PCDHA1: variants seen among roughly 807,000 people sequenced by gnomAD.
PCDHA1 encodes the protein protocadherin alpha 1.
In PCDHA1, 42 loss-of-function variants were observed where a neutral mutation model predicts 61.3. The observed-to-expected ratio is 0.69, with a 90% confidence interval of 0.54 to 0.89. PCDHA1 has a LOEUF of 0.89. Among genes scored for constraint, PCDHA1 ranks in the 40% least tolerant of loss-of-function variants. The pLI is 0.00. For missense variants in PCDHA1, 1,256 were observed against 1,235.3 expected (o/e 1.02, Z -0.25); for synonymous variants, 610 against 553.8 (o/e 1.10, Z -1.43).
chr5:140,872,973 T>C (rs1562677174), intron 1 of PCDHA1, among the ~76,000 whole-genome samples: 1 of 152,212 alleles, frequency 6.6e-6, no homozygotes, highest in African/African-American at 2.4e-5. Flanking sequence ...ATCTGAAGAT[T>C]TGAGCAAAGA....
At chr5:140,851,697 TC>T in intron 1 of PCDHA1, 1 of 942,168 alleles carries the variant, frequency 1.1e-6, no homozygotes, top group Non-Finnish European at 1.3e-6. Flanking sequence ...GATAAAATGA[TC>T]AGCCATGTGA....
Position 140,835,755 on chromosome 5 carries a change from C to T in PCDHA1, c.2394+47071C>T, listed in dbSNP as rs2150244114. Reference sequence around the variant, plus strand: ...CGACAACGCCCCGGCGTTCGCGCAGCCCGAGTATACGGTGTTCGTGAAGGA... The same window carrying T: ...CGACAACGCCCCGGCGTTCGCGCAGTCCGAGTATACGGTGTTCGTGAAGGA... On this transcript the variant is annotated intron_variant, in intron 1 of 3. Coordinates refer to ENST00000504120, the MANE Select transcript of PCDHA1 (RefSeq NM_018900.4). 3.7e-6 allele frequency: 6 copies of T among 1,613,528 alleles called. No homozygotes were observed. Among genetic ancestry groups the T allele is most frequent in the Admixed American group, 3.3e-5 (2 of 60,022 alleles).
At position 140,882,067 on chromosome 5, in the gene PCDHA1, G is replaced by A. The variant is rs1031145324; in HGVS notation, c.2394+93383G>A. 7.1e-6 allele frequency: 6 copies of A among 848,700 alleles called. No individual in the cohort carries two copies. The East Asian group carries it at 8.0e-5, about 11-fold the overall frequency. 52.6% of individuals were successfully genotyped at this position (848,700 alleles called of 1,614,324 possible). A position where few individuals can be genotyped will look rare whatever the true frequency, so the allele number is the denominator to read the frequency against. ...GTCATACTTACACTTACACGTTCATGCGCATGGTGTCGCTCTTCACTGAGA... is the reference window on the plus strand; with the variant it reads ...GTCATACTTACACTTACACGTTCATACGCATGGTGTCGCTCTTCACTGAGA... On this transcript the variant is annotated intron_variant, in intron 1 of 3. Transcript: ENST00000504120.
chr5:140,828,537 A>C, intron 1 of PCDHA1: 4 of 1,614,236 alleles, frequency 2.5e-6, no homozygotes, highest in Non-Finnish European at 3.4e-6. Context: ...AGGCTGCCAG[A>C]TTCTGTGTTT....
chr5:140,897,509 G>T (rs2153456975), intron 1 of PCDHA1, among the ~76,000 whole-genome samples: 1 of 152,062 alleles, frequency 6.6e-6, no homozygotes, highest in East Asian at 1.9e-4. Context: ...CCCTACAAAG[G>T]ACATGAACTC....
intron 1 of PCDHA1, chr5:140,969,181 T>C (rs1554231546): frequency 1.2e-6 from 2 of 1,613,978 alleles, no homozygotes; most frequent in Non-Finnish European, 8.5e-7. Flanking sequence ...GGAGTGACAC[T>C]TTCATGTTTT....
chr5:140,858,809 A>G (rs2045602165), intron 1 of PCDHA1: 1 of 352,582 alleles, frequency 2.8e-6, no homozygotes, highest in African/African-American at 2.2e-5. Flanking sequence ...CTAAATTTTG[A>G]TTTGATTGTA....
chr5:140,828,109 G>T, intron 1 of PCDHA1: 1 of 1,611,506 alleles, frequency 6.2e-7, no homozygotes, highest in East Asian at 2.2e-5. Flanking sequence ...TTACCCCGGA[G>T]GATAGATTGG....
At chr5:140,801,310 A>C (rs781891946) in intron 1 of PCDHA1, 1 of 1,613,378 alleles carries the variant, frequency 6.2e-7, no homozygotes. Context: ...GTCTCTGAGG[A>C]GGCCAAGCAT....
At chr5:140,832,534 G>A (rs1772034648) in intron 1 of PCDHA1, among the ~76,000 whole-genome samples, 1 of 152,208 alleles carries the variant, frequency 6.6e-6, no homozygotes, top group African/African-American at 2.4e-5. Flanking sequence ...ATCACCATTT[G>A]TGTAGCTAAT....
intron 1 of PCDHA1, chr5:140,877,799 T>C: frequency 1.2e-6 from 2 of 1,613,438 alleles, no homozygotes; most frequent in Non-Finnish European, 1.7e-6. Context: ...AGCCCAAGCC[T>C]TCAGCTGTCT....
intron 1 of PCDHA1, chr5:140,927,088 T>C (rs1554204002): frequency 6.2e-7 from 1 of 1,612,662 alleles, no homozygotes; most frequent in Admixed American, 1.7e-5. Context: ...CGAGCTCTAC[T>C]TCGGGGTGGA....
rs1777021029 is a variant in PCDHA1 at position 140,841,107 on chromosome 5, T to G, written c.2394+52423T>G. On this transcript the variant is annotated intron_variant, in intron 1 of 3. Coordinates refer to ENST00000504120, the MANE Select transcript of PCDHA1 (RefSeq NM_018900.4). ...TAGAAGAACCCAGATATTGCGGAAG[T>G]AATTCATGTAATCATTACCTTTTGA... 4 of 589,342 alleles carry G rather than the reference T, an allele frequency of 6.8e-6. No homozygotes were observed. In the South Asian group the frequency reaches 9.7e-5, roughly 14 times the overall value. The allele number at this position is 589,342 out of a possible 1,614,324, so 36.5% of individuals were successfully genotyped here. A position where few individuals can be genotyped will look rare whatever the true frequency, so the allele number is the denominator to read the frequency against.
At position 140,856,500 on chromosome 5, in the gene PCDHA1, T is replaced by G. The variant is rs371158035; in HGVS notation, c.2394+67816T>G. 1.4e-5 allele frequency: 22 copies of G among 1,598,280 alleles called. 1 individual carries two copies. The African/African-American group carries it at 3.0e-4, about 22-fold the overall frequency. ...GAATCCAGACTGCTTGACTCTCGAT[T>G]TCCACTAGAAGGCGCATCTGATGCG... On this transcript the variant is annotated intron_variant, in intron 1 of 3. Transcript: ENST00000504120.
chr5:140,869,030 T>C (rs1049032233), intron 1 of PCDHA1: 5 of 1,526,396 alleles, frequency 3.3e-6, no homozygotes, highest in Non-Finnish European at 4.4e-6. Flanking sequence ...TTCAACGAGA[T>C]TTTTAACCTG....
chr5:140,967,794 T>G, intron 1 of PCDHA1: 1 of 1,614,178 alleles, frequency 6.2e-7, no homozygotes. Flanking sequence ...CGGGGTCCAG[T>G]GCCCATGGCA....
intron 1 of PCDHA1, chr5:140,830,438 A>G: frequency 6.2e-7 from 1 of 1,612,916 alleles, no homozygotes; most frequent in Admixed American, 1.7e-5. Context: ...TCCTATTATG[A>G]TGGGTAAGGC....
intron 1 of PCDHA1, among the ~76,000 whole-genome samples, chr5:140,799,002 A>G (rs1365174397): frequency 6.6e-6 from 1 of 152,210 alleles, no homozygotes; most frequent in East Asian, 1.9e-4. Flanking sequence ...GTAATACTTG[A>G]CCACTATGTT....
At chr5:140,956,212 C>A (rs246014) in intron 1 of PCDHA1, among the ~76,000 whole-genome samples, 85,603 of 151,956 alleles carry the variant, frequency 0.56, 24,735 homozygotes, top group African/African-American at 0.69. Context: ...AAGAGGGCAT[C>A]CTTGTCTTGT....
Sources: allele counts gnomAD v4.1 joint callset (sites outside exome capture counted in the v4.1 genomes callset), GRCh38; gene constraint gnomAD v4.1.1; transcripts MANE v1.5; gene names NCBI Gene and HGNC (gene_info 2026-07-23, HGNC 2026-07-21).